PTER: variants seen among roughly 807,000 people sequenced by gnomAD.
The protein encoded by PTER is N-acetyltaurine hydrolase.
Under a neutral mutation model 29.6 loss-of-function variants are expected in PTER, and 38 were observed. The observed-to-expected ratio is 1.28, with a 90% CI of 0.99 to 1.68. The LOEUF (loss-of-function observed/expected upper bound fraction) is 1.68. PTER is among the 40% of genes most tolerant of loss of function. The pLI is 0.00. For synonymous variants in PTER, 172 were observed against 154.5 expected (o/e 1.11, Z -0.84); for missense variants, 482 against 427.8 (o/e 1.13, Z -1.12).
chr10:16,498,936 C>T (rs546740644), intron 3 of PTER, among the ~76,000 whole-genome samples: 1 of 152,256 alleles, frequency 6.6e-6, no homozygotes, highest in African/African-American at 2.4e-5. Flanking sequence ...GGTGCTTGTT[C>T]CTAGATGTCA....
chr10:16,516,463 A>G (rs1385135979), downstream of PTER, among the ~76,000 whole-genome samples: 2 of 152,152 alleles, frequency 1.3e-5, no homozygotes, highest in African/African-American at 4.8e-5. Context: ...TAATGGTGAA[A>G]AAAATTAAAA....
chr10:16,498,209 C>A (rs1251795047), intron 3 of PTER, among the ~76,000 whole-genome samples: 1 of 152,198 alleles, frequency 6.6e-6, no homozygotes, highest in Admixed American at 6.5e-5. Context: ...ACTTCACTGA[C>A]TTTTCAGGGG....
intron 3 of PTER, among the ~76,000 whole-genome samples, chr10:16,490,407 T>C (rs1407064295): frequency 6.6e-6 from 1 of 152,108 alleles, no homozygotes; most frequent in Admixed American, 6.6e-5. Flanking sequence ...GGGTGTTGCC[T>C]TCCATATAAA....
chr10:16,504,985 T>C, intron 3 of PTER, 35 bp from the exon 4 acceptor site: 2 of 1,609,968 alleles, frequency 1.2e-6, no homozygotes, highest in Non-Finnish European at 1.7e-6. Flanking sequence ...AATGGGCTCT[T>C]CATAATAACA....
At chr10:16,500,002 C>A (rs1168680813) in intron 3 of PTER, among the ~76,000 whole-genome samples, 2 of 151,996 alleles carry the variant, frequency 1.3e-5, no homozygotes, top group African/African-American at 4.8e-5. Flanking sequence ...TCCCAAAGTG[C>A]TGGGATTACA....
At position 16,511,498 on chromosome 10, in the gene PTER, T is replaced by C; in HGVS notation, c.*242T>C. The C allele has an allele frequency of 2.0e-6, 1 of 499,968 alleles. No individual in the cohort carries two copies. Among genetic ancestry groups the C allele is most frequent in the Non-Finnish European group, 3.6e-6 (1 of 278,876 alleles). The allele number at this position is 499,968 out of a possible 1,614,324, so 31.0% of individuals were successfully genotyped here. A position where few individuals can be genotyped will look rare whatever the true frequency, so the allele number is the denominator to read the frequency against. On this transcript the variant is annotated 3_prime_UTR_variant, in exon 5 of 5. Transcript: ENST00000535784. ...AACAAAATAAATACAGAAGTACCTA[T>C]TTCTAAACAATGATTTAAAGTCTAT...
chr10:16,509,949 G>A (rs1183952092), intron 4 of PTER, among the ~76,000 whole-genome samples: 4 of 152,032 alleles, frequency 2.6e-5, no homozygotes, highest in South Asian at 2.1e-4. Flanking sequence ...AGTACCCCAC[G>A]TTTTGCTCAC....
At chr10:16,499,878 A>T (rs1836267502) in intron 3 of PTER, among the ~76,000 whole-genome samples, 1 of 151,864 alleles carries the variant, frequency 6.6e-6, no homozygotes, top group African/African-American at 2.4e-5. Context: ...TATGACAGCA[A>T]ATTTCTCTTC....
At position 16,512,642 on chromosome 10, in the gene PTER, A is replaced by T. The variant is rs879553356; in HGVS notation, c.*1386A>T. ...AAGATATTTCTGCTGATCAAAGATGATCAAGCTTTCTGTGTATTGGAACAG... is the reference window on the plus strand; with the variant it reads ...AAGATATTTCTGCTGATCAAAGATGTTCAAGCTTTCTGTGTATTGGAACAG... On this transcript the variant is annotated 3_prime_UTR_variant, in exon 5 of 5. Coordinates refer to ENST00000535784, the MANE Select transcript of PTER (RefSeq NM_001261836.2). 6 of 152,134 alleles carry T rather than the reference A, an allele frequency of 3.9e-5. No homozygotes were observed. The highest frequency in any genetic ancestry group is 7.4e-5 in the Non-Finnish European group (5 of 67,996). The allele number at this position is 152,134 out of a possible 1,614,324, so 9.4% of individuals were successfully genotyped here. A position where few individuals can be genotyped will look rare whatever the true frequency, so the allele number is the denominator to read the frequency against.
At chr10:16,504,460 T>C (rs973296680) in intron 3 of PTER, among the ~76,000 whole-genome samples, 1 of 152,190 alleles carries the variant, frequency 6.6e-6, no homozygotes, top group Non-Finnish European at 1.5e-5. Flanking sequence ...GTATTGTGCC[T>C]TCAAGAAAAT....
chr10:16,438,167 A>G (rs1285203878), intron 1 of PTER, among the ~76,000 whole-genome samples: 1 of 119,142 alleles, frequency 8.4e-6, no homozygotes, highest in Non-Finnish European at 1.8e-5. Context: ...CACCACACAC[A>G]GCTAATTTTT....
intron 1 of PTER, among the ~76,000 whole-genome samples, chr10:16,476,373 C>T (rs1025148942): frequency 6.6e-6 from 1 of 152,250 alleles, no homozygotes; most frequent in Admixed American, 6.5e-5. Flanking sequence ...AGCCACCATG[C>T]CCGACCTCAT....
intron 1 of PTER, among the ~76,000 whole-genome samples, chr10:16,466,280 C>A (rs1337316159): frequency 6.8e-6 from 1 of 147,196 alleles, no homozygotes; most frequent in Non-Finnish European, 1.5e-5. Flanking sequence ...GGCTGTCAGA[C>A]CTTTTTCTGT....
At chr10:16,510,301 C>T (rs900918374) in intron 4 of PTER, among the ~76,000 whole-genome samples, 3 of 152,190 alleles carry the variant, frequency 2.0e-5, no homozygotes, top group African/African-American at 7.2e-5. Flanking sequence ...AGTCAGGAAG[C>T]TGTTCTTTAG....
chr10:16,479,278 T>C (rs1360599797), intron 1 of PTER, among the ~76,000 whole-genome samples: 1 of 152,172 alleles, frequency 6.6e-6, no homozygotes, highest in Non-Finnish European at 1.5e-5. Context: ...ACTGATTCTT[T>C]TGACAGTGTT....
chr10:16,515,036 C>T (rs1836928228), downstream of PTER, among the ~76,000 whole-genome samples: 1 of 152,206 alleles, frequency 6.6e-6, no homozygotes, highest in African/African-American at 2.4e-5. Flanking sequence ...TGCCCAATCA[C>T]ATTTTGAAAT....
chr10:16,450,165 G>A (rs1382470513), intron 1 of PTER, among the ~76,000 whole-genome samples: 1 of 152,094 alleles, frequency 6.6e-6, no homozygotes, highest in Admixed American at 6.6e-5. Flanking sequence ...CCCCTCATGG[G>A]TCATACTCTG....
chr10:16,478,806 A>T (rs1341136128), intron 1 of PTER, among the ~76,000 whole-genome samples: 1 of 152,116 alleles, frequency 6.6e-6, no homozygotes, highest in African/African-American at 2.4e-5. Flanking sequence ...ATGAAGCCAC[A>T]AGCCGATTTT....
rs137983758 is a variant in PTER, at chr10:16,504,935, T to A, written c.699-85T>A. On this transcript the variant is annotated intron_variant, in intron 3 of 4. Transcript: ENST00000535784. ...GACTTCAACTATGTTCTTGTTCTTG[T>A]ACATTGTGTGCTTAAAACTTCTAGT... The A allele has an allele frequency of 4.9e-4, 726 of 1,473,588 alleles. 4 individuals carry two copies. The African/African-American group carries it at 9.6e-3, about 19-fold the overall frequency. 91.3% of individuals were successfully genotyped at this position (1,473,588 alleles called of 1,614,324 possible).
Sources: gnomAD v4.1 joint callset for allele counts (sites outside exome capture counted in the v4.1 genomes callset) on GRCh38, gnomAD v4.1.1 for gene constraint, MANE v1.5 for transcripts, NCBI Gene and HGNC (gene_info 2026-07-23, HGNC 2026-07-21) for gene names.